Variants in FOXP1 observed in about 807,000 individuals in gnomAD.
FOXP1 encodes the protein forkhead box P1.
In FOXP1, 15 loss-of-function variants were observed where a neutral mutation model predicts 98.2. That is an observed-to-expected ratio of 0.15 (90% CI 0.10 to 0.24). The LOEUF is 0.24. Ranked by LOEUF, FOXP1 falls within the 10% of genes least tolerant of loss-of-function variation. FOXP1 has a pLI of 1.00. For synonymous variants in FOXP1, 371 were observed against 314.5 expected, an observed-to-expected ratio of 1.18 and a Z score of -1.90; for missense variants, 633 against 848.5, an observed-to-expected ratio of 0.75 and a Z score of 3.15.
At chr3:71,284,373 T>G (rs1277446816) in intron 5 of FOXP1, among the ~76,000 whole-genome samples, 2 of 152,154 alleles carry the variant, frequency 1.3e-5, no homozygotes, top group African/African-American at 4.8e-5. Flanking sequence ...GAGACCAGCC[T>G]GGGCAACATG....
rs185263118 is a variant in FOXP1 at position 71,433,335 on chromosome 3, T to G, written c.-168+60091A>C. On this transcript the variant is annotated intron_variant, in intron 3 of 20. Transcript: ENST00000649528. ...CTGTAGGTGCCAGACTTTTGCTGTG[T>G]CCCTTTGTCTCTAAATGTATAAACA... 5.2e-4 allele frequency among the ~76,000 whole-genome samples: 79 copies of G among 152,302 alleles called. 1 individual carries two copies. Among genetic ancestry groups the G allele is most frequent in the African/African-American group, 1.8e-3 (76 of 41,580 alleles).
chr3:70,974,297 GTT>G (rs372286546), intron 17 of FOXP1, among the ~76,000 whole-genome samples: 1 of 148,136 alleles, frequency 6.8e-6, no homozygotes, highest in African/African-American at 2.5e-5. Flanking sequence ...TAAATAAGCA[GTT>G]TTTTTTTTTC....
rs116541519 is a variant in FOXP1 at position 71,283,912 on chromosome 3, C to T, written c.-12+15908G>A. Among the ~76,000 whole-genome samples the T allele has an allele frequency of 9.0e-3, 1,368 of 152,234 alleles. 22 individuals are homozygous for T. The highest frequency in any genetic ancestry group is 0.032 in the African/African-American group (1,309 of 41,524). ...GTATAGTGGCCTCCCAATGACAAGA[C>T]CCCTTTCCTATTTTCTCATCACCCT... On this transcript the variant is annotated intron_variant, in intron 5 of 20. Transcript: ENST00000649528.
At chr3:70,972,322 A>G in intron 18 of FOXP1, 2 of 899,826 alleles carry the variant, frequency 2.2e-6, no homozygotes, top group South Asian at 1.7e-5. Flanking sequence ...GAGGGTTAAT[A>G]TGCATTGCCA....
chr3:71,173,253 A>G (rs1378399757), intron 6 of FOXP1, among the ~76,000 whole-genome samples: 2 of 152,070 alleles, frequency 1.3e-5, no homozygotes, highest in Non-Finnish European at 2.9e-5. Flanking sequence ...AGCCAGTAAG[A>G]TATTTCATGA....
At chr3:71,314,270 C>T (rs2107636617) in intron 4 of FOXP1, among the ~76,000 whole-genome samples, 1 of 152,228 alleles carries the variant, frequency 6.6e-6, no homozygotes, top group South Asian at 2.1e-4. Flanking sequence ...GTGGCACATG[C>T]CTGTAATCCC....
chr3:71,568,293 C>G (rs1030997281), intron 2 of FOXP1, among the ~76,000 whole-genome samples: 1 of 152,140 alleles, frequency 6.6e-6, no homozygotes, highest in African/African-American at 2.4e-5. Flanking sequence ...ATAGAGTACA[C>G]TTAGATGGAT....
At chr3:71,517,761 G>A (rs989138631) in intron 2 of FOXP1, among the ~76,000 whole-genome samples, 8 of 152,082 alleles carry the variant, frequency 5.3e-5, no homozygotes, top group South Asian at 4.1e-4. Flanking sequence ...AGCTACTCAC[G>A]CTCTCAAGAC....
intron 6 of FOXP1, among the ~76,000 whole-genome samples, chr3:71,125,243 T>C (rs1268657476): frequency 6.6e-6 from 1 of 152,196 alleles, no homozygotes; most frequent in African/African-American, 2.4e-5. Flanking sequence ...TGGTTCTAAA[T>C]TACTTTATAT....
At chr3:71,000,721 G>A (rs1261682628) in intron 13 of FOXP1, among the ~76,000 whole-genome samples, 2 of 151,570 alleles carry the variant, frequency 1.3e-5, no homozygotes. Context: ...ATACACACAG[G>A]TGCCCAGAAT....
chr3:70,971,890 T>G, intron 18 of FOXP1: 1 of 700,532 alleles, frequency 1.4e-6, no homozygotes, highest in African/African-American at 1.8e-5. Context: ...CACAATTTAG[T>G]TTCGTTGCAG....
At chr3:71,391,075 T>A (rs915566156) in intron 3 of FOXP1, among the ~76,000 whole-genome samples, 1 of 152,208 alleles carries the variant, frequency 6.6e-6, no homozygotes, top group African/African-American at 2.4e-5. Flanking sequence ...TCCAAACATG[T>A]ATATGAAGGA....
chr3:71,042,028 C>G (rs1331391189), intron 10 of FOXP1, among the ~76,000 whole-genome samples: 1 of 152,114 alleles, frequency 6.6e-6, no homozygotes, highest in Non-Finnish European at 1.5e-5. Flanking sequence ...ATTATGAATT[C>G]ATATCGTCTT....
chr3:71,122,905 C>A (rs1328880419), intron 6 of FOXP1, among the ~76,000 whole-genome samples: 1 of 152,166 alleles, frequency 6.6e-6, no homozygotes, highest in Non-Finnish European at 1.5e-5. Context: ...GCTATGCAGA[C>A]CTCCGGAGCT....
intron 5 of FOXP1, among the ~76,000 whole-genome samples, chr3:71,216,785 C>A (rs1051062457): frequency 6.6e-6 from 1 of 152,118 alleles, no homozygotes; most frequent in African/African-American, 2.4e-5. Context: ...ATCTGCCTAA[C>A]AATCTGTCCT....
At chr3:71,141,169 G>C (rs1228867171) in intron 6 of FOXP1, among the ~76,000 whole-genome samples, 1 of 150,958 alleles carries the variant, frequency 6.6e-6, no homozygotes, top group Non-Finnish European at 1.5e-5. Flanking sequence ...TAGGGAGGCT[G>C]AGGCAGGACA....
chr3:71,485,537 G>C lies in FOXP1; in HGVS notation c.-168+7889C>G, dbSNP rs371270356. On this transcript the variant is annotated intron_variant, in intron 3 of 20. Coordinates refer to ENST00000649528, the MANE Select transcript of FOXP1 (RefSeq NM_001349338.3). The stretch of plus-strand genomic sequence containing the variant: ...TAATCCCAGCACTTTGGGAGGCCAA[G>C]GCGGGCAGATCACCTGAGGTCAGGA... Among the ~76,000 whole-genome samples, 43 of 152,318 alleles carry C rather than the reference G, an allele frequency of 2.8e-4. No individual in the cohort carries two copies. The East Asian group carries it at 5.8e-3, about 21-fold the overall frequency.
chr3:71,153,535 C>T (rs1482790116), intron 6 of FOXP1, among the ~76,000 whole-genome samples: 1 of 137,370 alleles, frequency 7.3e-6, no homozygotes, highest in Non-Finnish European at 1.6e-5. Context: ...AGAATTAGTA[C>T]CATGCTTGAG....
At chr3:71,370,505 G>C (rs2079219555) in intron 3 of FOXP1, among the ~76,000 whole-genome samples, 2 of 152,072 alleles carry the variant, frequency 1.3e-5, no homozygotes, top group Admixed American at 1.3e-4. Flanking sequence ...GGTTAGTTTT[G>C]TTTATTCTTT....
Sources: gnomAD v4.1 joint callset for allele counts (sites outside exome capture counted in the v4.1 genomes callset) on GRCh38, gnomAD v4.1.1 for gene constraint, MANE v1.5 for transcripts, NCBI Gene and HGNC (gene_info 2026-07-23, HGNC 2026-07-21) for gene names.